DSCAM: variants seen among roughly 807,000 people sequenced by gnomAD.
DSCAM encodes DS cell adhesion molecule.
In DSCAM, 47 loss-of-function variants were observed where a neutral mutation model predicts 217.7. The observed-to-expected ratio is 0.22, with a 90% CI of 0.17 to 0.28. The LOEUF is 0.28. Among genes scored for constraint, DSCAM ranks in the 10% least tolerant of loss-of-function variants. DSCAM has a pLI of 1.00. For missense variants in DSCAM, 2,080 were observed against 2,618.3 expected (o/e 0.79, Z 4.49); for synonymous variants, 1,056 against 1,015.3 (o/e 1.04, Z -0.76).
intron 20 of DSCAM, among the ~76,000 whole-genome samples, chr21:40,112,422 T>C (rs544707086): frequency 4.0e-4 from 61 of 152,082 alleles, no homozygotes; most frequent in African/African-American, 1.5e-3. Context: ...AGACAGTATG[T>C]AGAAGGAAAT....
chr21:40,482,438 T>C (rs1276921003), intron 3 of DSCAM, among the ~76,000 whole-genome samples: 1 of 152,204 alleles, frequency 6.6e-6, no homozygotes, highest in Non-Finnish European at 1.5e-5. Flanking sequence ...CTCTGCCCCT[T>C]CTAGACTCAA....
At chr21:40,268,956 C>T (rs1297555797) in intron 11 of DSCAM, among the ~76,000 whole-genome samples, 3 of 152,140 alleles carry the variant, frequency 2.0e-5, no homozygotes, top group Non-Finnish European at 4.4e-5. Context: ...TATCCTCCCA[C>T]GGAGCTGTTC....
At chr21:40,307,801 G>A (rs1415990626) in intron 9 of DSCAM, among the ~76,000 whole-genome samples, 2 of 151,974 alleles carry the variant, frequency 1.3e-5, no homozygotes, top group Admixed American at 1.3e-4. Flanking sequence ...GATGAAATTG[G>A]AAATCATCAT....
chr21:40,819,175 A>T (rs2091907185), intron 1 of DSCAM, among the ~76,000 whole-genome samples: 1 of 152,218 alleles, frequency 6.6e-6, no homozygotes, highest in Admixed American at 6.5e-5. Context: ...CTGGTTAGAA[A>T]GGGTTAATAT....
In DSCAM at chr21:40,815,682, C is replaced by T. The variant is rs77991035; in HGVS notation, c.43+30937G>A. On this transcript the variant is annotated intron_variant, in intron 1 of 32. Coordinates refer to ENST00000400454, the MANE Select transcript of DSCAM (RefSeq NM_001389.5). Reference sequence around the variant, plus strand: ...TTATGGCCGTTTGCTTTGTTGTTTACGATAATTTTGTGAGGTAGACAGGAT... The same window carrying T: ...TTATGGCCGTTTGCTTTGTTGTTTATGATAATTTTGTGAGGTAGACAGGAT... Among the ~76,000 whole-genome samples the T allele has an allele frequency of 8.3e-3, 1,267 of 152,130 alleles. 11 individuals are homozygous for T. The highest frequency in any genetic ancestry group is 0.028 in the African/African-American group (1,141 of 41,484).
At chr21:40,285,020 T>C (rs1302258659) in intron 10 of DSCAM, among the ~76,000 whole-genome samples, 1 of 152,222 alleles carries the variant, frequency 6.6e-6, no homozygotes, top group East Asian at 1.9e-4. Context: ...ATTCTGTAAC[T>C]AATACGTAAT....
intron 3 of DSCAM, among the ~76,000 whole-genome samples, chr21:40,582,120 A>G (rs2076910334): frequency 6.6e-6 from 1 of 152,198 alleles, no homozygotes; most frequent in African/African-American, 2.4e-5. Flanking sequence ...ATTAAGCCCT[A>G]CTGGGATTGG....
At chr21:40,361,623 C>T (rs2074766439) in intron 4 of DSCAM, among the ~76,000 whole-genome samples, 1 of 149,784 alleles carries the variant, frequency 6.7e-6, no homozygotes, top group Non-Finnish European at 1.5e-5. Context: ...ATCTCAAAAA[C>T]AAACAAACAA....
chr21:40,497,172 G>T (rs569160413), intron 3 of DSCAM, among the ~76,000 whole-genome samples: 1 of 152,094 alleles, frequency 6.6e-6, no homozygotes. Context: ...TTAAATCAGC[G>T]TATCGAAGAG....
chr21:40,066,034 G>A (rs898997998), intron 27 of DSCAM, among the ~76,000 whole-genome samples: 1 of 152,142 alleles, frequency 6.6e-6, no homozygotes, highest in Non-Finnish European at 1.5e-5. Flanking sequence ...GCCCTCCATC[G>A]TCCCCACCGC....
At chr21:40,329,486 C>T (rs756719106) in intron 8 of DSCAM, among the ~76,000 whole-genome samples, 18 of 151,910 alleles carry the variant, frequency 1.2e-4, no homozygotes, top group Non-Finnish European at 1.5e-4. Flanking sequence ...TAGTGGTGCA[C>T]GCCTGTAGTC....
intron 3 of DSCAM, among the ~76,000 whole-genome samples, chr21:40,491,903 C>CG (rs1040542078): frequency 5.3e-5 from 8 of 152,174 alleles, no homozygotes; most frequent in African/African-American, 1.9e-4. Flanking sequence ...CCCCCCTTCC[C>CG]GGGGGTCTCA....
At chr21:40,633,075 A>T (rs2089713673) in intron 3 of DSCAM, among the ~76,000 whole-genome samples, 1 of 152,138 alleles carries the variant, frequency 6.6e-6, no homozygotes, top group Admixed American at 6.5e-5. Context: ...TTGATTTGCT[A>T]TTTAAAACCC....
intron 11 of DSCAM, among the ~76,000 whole-genome samples, chr21:40,269,236 G>T (rs982587506): frequency 6.6e-6 from 1 of 152,188 alleles, no homozygotes; most frequent in Non-Finnish European, 1.5e-5. Context: ...ACATCATGGG[G>T]TCAAGAATTA....
chr21:40,501,105 C>T (rs1285776361), intron 3 of DSCAM, among the ~76,000 whole-genome samples: 1 of 152,154 alleles, frequency 6.6e-6, no homozygotes, highest in African/African-American at 2.4e-5. Context: ...CCATATTTAG[C>T]TAATACAGGA....
chr21:40,778,894 C>T (rs1332495727), intron 1 of DSCAM, among the ~76,000 whole-genome samples: 3 of 151,916 alleles, frequency 2.0e-5, no homozygotes, highest in African/African-American at 7.2e-5. Context: ...CATGATGGTG[C>T]ATGCCTGTAA....
chr21:40,144,085 A>G lies in DSCAM; in HGVS notation c.3259+406T>C, dbSNP rs970415612. Among the ~76,000 whole-genome samples, 2 of 142,250 alleles carry G rather than the reference A, an allele frequency of 1.4e-5. No homozygotes were observed. The highest frequency in any genetic ancestry group is 4.9e-5 in the African/African-American group (2 of 41,128). The allele number at this position is 142,250 out of a possible 152,430, so 93.3% of individuals were successfully genotyped here. Reference sequence around the variant, plus strand: ...CTTTTCTCTGTACTCAGAATGCTTGAAAATAGGAAACAATGAAAAATAAAA... The same window carrying G: ...CTTTTCTCTGTACTCAGAATGCTTGGAAATAGGAAACAATGAAAAATAAAA... On this transcript the variant is annotated intron_variant, in intron 17 of 32. Transcript: ENST00000400454. The surrounding 1 kb of genome is among the most constrained non-coding windows in gnomAD (Gnocchi z 4.8).
At chr21:40,195,237 C>T (rs562276542) in intron 11 of DSCAM, among the ~76,000 whole-genome samples, 130 of 152,196 alleles carry the variant, frequency 8.5e-4, no homozygotes, top group African/African-American at 3.0e-3. Flanking sequence ...AGACTGGTTC[C>T]AAACTTTACT....
At chr21:40,350,585 T>C (rs2074618686) in intron 5 of DSCAM, among the ~76,000 whole-genome samples, 1 of 152,140 alleles carries the variant, frequency 6.6e-6, no homozygotes, top group Non-Finnish European at 1.5e-5. Context: ...AATAAATGGC[T>C]GTAATAACCA....
Sources: allele counts gnomAD v4.1 joint callset (sites outside exome capture counted in the v4.1 genomes callset), GRCh38; gene constraint gnomAD v4.1.1; non-coding constraint Gnocchi (gnomAD v3.1); transcripts MANE v1.5; gene names NCBI Gene and HGNC (gene_info 2026-07-23, HGNC 2026-07-21).